Variants in CBLB observed in about 807,000 individuals in gnomAD.
CBLB encodes Cbl proto-oncogene B.
Under a neutral mutation model 104.9 loss-of-function variants are expected in CBLB, and 31 were observed. That is an observed-to-expected ratio of 0.30 (90% CI 0.22 to 0.40). The LOEUF is 0.40. Ranked by LOEUF, CBLB falls within the 10% of genes least tolerant of loss-of-function variation. The probability of loss-of-function intolerance (pLI) is 1.00; values close to 1 mark genes in which losing one functional copy is unlikely to be tolerated. For missense variants in CBLB, 1,062 were observed against 1,214.6 expected (o/e 0.87, Z 1.87); for synonymous variants, 440 against 422.6 (o/e 1.04, Z -0.51).
At chr3:105,819,205 G>T (rs753031500) in intron 3 of CBLB, among the ~76,000 whole-genome samples, 1 of 152,178 alleles carries the variant, frequency 6.6e-6, no homozygotes. Context: ...CACATAATGA[G>T]GCCGGGTGCA....
chr3:105,838,895 C>T (rs374019620), intron 3 of CBLB, among the ~76,000 whole-genome samples: 175 of 152,278 alleles, frequency 1.1e-3, no homozygotes, highest in African/African-American at 4.1e-3. Context: ...GGATTACAGG[C>T]ATGAGCCATC....
intron 3 of CBLB, among the ~76,000 whole-genome samples, chr3:105,794,058 A>C (rs2081985654): frequency 6.6e-6 from 1 of 152,212 alleles, no homozygotes; most frequent in African/African-American, 2.4e-5. Flanking sequence ...TGCAACACTA[A>C]AAATAAGACT....
chr3:105,702,481 A>AAC (rs1353139738), intron 11 of CBLB, 22 bp from the exon 12 acceptor site: 6 of 1,452,030 alleles, frequency 4.1e-6, no homozygotes, highest in South Asian at 4.0e-5. Context: ...GAAGAGAAAA[A>AAC]AAAAAAAAAA....
At chr3:105,724,880 G>A (rs946375050) in intron 9 of CBLB, among the ~76,000 whole-genome samples, 2 of 152,038 alleles carry the variant, frequency 1.3e-5, no homozygotes, top group African/African-American at 4.8e-5. Flanking sequence ...AGAAAAAGGG[G>A]TTTACTAGTT....
At chr3:105,777,421 G>C (rs1401740753) in intron 3 of CBLB, among the ~76,000 whole-genome samples, 2 of 152,162 alleles carry the variant, frequency 1.3e-5, no homozygotes, top group African/African-American at 2.4e-5. Flanking sequence ...CAAATGGCTA[G>C]AGCCCAGAGT....
chr3:105,701,321 A>G (rs754381452), intron 12 of CBLB, among the ~76,000 whole-genome samples: 1 of 152,220 alleles, frequency 6.6e-6, no homozygotes, highest in Non-Finnish European at 1.5e-5. Context: ...AACTTGGTTT[A>G]GTGTTTTTAA....
chr3:105,745,466 T>C (rs944337826), intron 6 of CBLB, among the ~76,000 whole-genome samples: 1 of 152,246 alleles, frequency 6.6e-6, no homozygotes, highest in Non-Finnish European at 1.5e-5. Flanking sequence ...GGTTTATATA[T>C]GCTTATGTAC....
chr3:105,681,551 G>C lies in CBLB; in HGVS notation c.2356C>G (p.Arg786Gly). ...VPLPPARPPT[R>G]DNPKHGSSLN... ...GAAGAACCATGCTTTGGATTGTCCC[G>C]AGTTGGAGGCCTGGCAGGTGGTAAT... Residue 786 changes from arginine (R) to glycine (G), a missense_variant, in exon 16 of 19, where the codon CGG (arginine) becomes GGG (glycine). By Grantham distance (125) the Arg-to-Gly change is moderately radical (BLOSUM62 -2). Around this residue, in one of 2 missense-constraint regions of CBLB, gnomAD observed 605 missense variants for 582.6 expected, o/e 1.04. Coordinates refer to ENST00000394030, the MANE Select transcript of CBLB (RefSeq NM_170662.5). The C allele has an allele frequency of 6.2e-7, 1 of 1,613,938 alleles. No homozygotes were observed. The highest frequency in any genetic ancestry group is 8.5e-7 in the Non-Finnish European group (1 of 1,179,832).
intron 9 of CBLB, among the ~76,000 whole-genome samples, chr3:105,721,789 A>G (rs1283467938): frequency 6.6e-6 from 1 of 152,148 alleles, no homozygotes; most frequent in Non-Finnish European, 1.5e-5. Context: ...CTAACACAGG[A>G]GTAAATATTT....
intron 2 of CBLB, among the ~76,000 whole-genome samples, chr3:105,855,120 C>A (rs1011208904): frequency 6.6e-6 from 1 of 151,952 alleles, no homozygotes; most frequent in African/African-American, 2.4e-5. Flanking sequence ...GTCAGCAATC[C>A]CAATGAAACT....
intron 3 of CBLB, among the ~76,000 whole-genome samples, chr3:105,820,092 C>A (rs1304581902): frequency 6.6e-6 from 1 of 152,178 alleles, no homozygotes; most frequent in Non-Finnish European, 1.5e-5. Flanking sequence ...ATGGTCCCAT[C>A]TGGGGGTGAT....
intron 18 of CBLB, 59 bp downstream of exon 18, chr3:105,670,174 A>T (rs1285657714): frequency 6.7e-7 from 1 of 1,486,244 alleles, no homozygotes; most frequent in Non-Finnish European, 9.4e-7. Context: ...GGTGTTCTGA[A>T]AAGCAAAAAG....
chr3:105,676,015 A>G (rs1445469789), intron 17 of CBLB, among the ~76,000 whole-genome samples: 2 of 147,866 alleles, frequency 1.4e-5, no homozygotes, highest in Non-Finnish European at 3.0e-5. Flanking sequence ...AATACTTATT[A>G]TAAGGGATGT....
At chr3:105,690,774 A>T (rs1179242099) in intron 13 of CBLB, among the ~76,000 whole-genome samples, 1 of 151,184 alleles carries the variant, frequency 6.6e-6, no homozygotes, top group African/African-American at 2.4e-5. Context: ...GTGAGCCGAG[A>T]TCGCGCCACT....
In CBLB at chr3:105,755,589, T is replaced by G. The variant is rs540686986; in HGVS notation, c.567-3971A>C. Among the ~76,000 whole-genome samples the G allele has an allele frequency of 4.0e-5, 6 of 151,234 alleles. No homozygotes were observed. The South Asian group carries it at 1.3e-3, about 32-fold the overall frequency. ...TTTAGTTTCAACTGATAGGAAAAAA[T>G]GAAAAACATTTCATACAACAAAGGG... On this transcript the variant is annotated intron_variant, in intron 4 of 18. Coordinates refer to ENST00000394030, the MANE Select transcript of CBLB (RefSeq NM_170662.5).
chr3:105,661,739 T>C (rs911074623), intron 18 of CBLB, among the ~76,000 whole-genome samples: 1 of 152,200 alleles, frequency 6.6e-6, no homozygotes, highest in Non-Finnish European at 1.5e-5. Flanking sequence ...GTTTGGCCGC[T>C]AAGATCTTGG....
chr3:105,743,701 T>C (rs2075834580), intron 6 of CBLB, among the ~76,000 whole-genome samples: 2 of 148,204 alleles, frequency 1.3e-5, no homozygotes, highest in Non-Finnish European at 3.0e-5. Context: ...TTCTATACTA[T>C]GAAGTCAAAG....
chr3:105,771,168 C>T (rs1184831514), intron 4 of CBLB, among the ~76,000 whole-genome samples: 5 of 152,084 alleles, frequency 3.3e-5, no homozygotes, highest in African/African-American at 1.2e-4. Context: ...CTAACTAATC[C>T]AACAGCACAA....
At position 105,779,336 on chromosome 3, in the gene CBLB, T is replaced by C. The variant is rs542450016; in HGVS notation, c.420-2794A>G. Among the ~76,000 whole-genome samples, 7 of 152,306 alleles carry C rather than the reference T, an allele frequency of 4.6e-5. No individual in the cohort carries two copies. In the East Asian group the frequency reaches 7.7e-4, roughly 17 times the overall value. On this transcript the variant is annotated intron_variant, in intron 3 of 18. Coordinates refer to ENST00000394030, the MANE Select transcript of CBLB (RefSeq NM_170662.5). ...CAGGACCTATATCAATACTCACTGA[T>C]TGACTATAAAATGTGTATATGCTTC...
Sources: allele counts gnomAD v4.1 joint callset (sites outside exome capture counted in the v4.1 genomes callset), GRCh38; gene constraint gnomAD v4.1.1; regional missense constraint gnomAD v4.1.1; transcripts MANE v1.5; gene names NCBI Gene and HGNC (gene_info 2026-07-23, HGNC 2026-07-21).